Variants in ACTR3C observed in about 807,000 individuals in gnomAD.
ACTR3C encodes actin related protein 3C.
ACTR3C carries 18 observed loss-of-function variants against 26.3 expected under a neutral mutation model. The observed-to-expected ratio is 0.68, with a 90% CI of 0.47 to 1.01. The LOEUF (loss-of-function observed/expected upper bound fraction) is 1.01, where lower values mean the gene tolerates loss of function less well. ACTR3C is among the 50% of genes least tolerant of loss of function. The probability of loss-of-function intolerance (pLI) is 0.00; values close to 1 mark genes in which losing one functional copy is unlikely to be tolerated. For missense variants in ACTR3C, 184 were observed against 250.7 expected, an observed-to-expected ratio of 0.73 and a Z score of 1.80; for synonymous variants, 55 against 94.5, an observed-to-expected ratio of 0.58 and a Z score of 2.42.
At chr7:150,314,701 G>A (rs1796665590) in intron 1 of ACTR3C, among the ~76,000 whole-genome samples, 1 of 151,072 alleles carries the variant, frequency 6.6e-6, no homozygotes, top group Non-Finnish European at 1.5e-5. Flanking sequence ...CCAGTACTTG[G>A]GAAGGCTGAG....
chr7:149,922,491 G>A, the ACTR3C span, among the ~76,000 whole-genome samples: 1 of 149,102 alleles, frequency 6.7e-6, no homozygotes, highest in African/African-American at 2.4e-5. Context: ...TCAGCTCCTA[G>A]CTCTGCTGTA....
At chr7:150,183,458 T>C in the ACTR3C span, among the ~76,000 whole-genome samples, 1 of 149,970 alleles carries the variant, frequency 6.7e-6, no homozygotes, top group Non-Finnish European at 1.5e-5. Context: ...TTGGTGCTTA[T>C]GTGTGCAGTT....
the ACTR3C span, chr7:150,047,542 G>A: frequency 8.4e-6 from 3 of 357,224 alleles, no homozygotes; most frequent in Non-Finnish European, 1.2e-5. Context: ...GCCCCCGGCC[G>A]ACGCGTCTCG....
At chr7:150,041,758 G>GT in the ACTR3C span, among the ~76,000 whole-genome samples, 1 of 131,186 alleles carries the variant, frequency 7.6e-6, no homozygotes, top group African/African-American at 3.0e-5. Flanking sequence ...CCAGGGGGGG[G>GT]AAGAGGGACT....
At chr7:149,952,192 A>T in the ACTR3C span, among the ~76,000 whole-genome samples, 2 of 151,290 alleles carry the variant, frequency 1.3e-5, no homozygotes, top group South Asian at 2.1e-4. Context: ...GTCAGACTGG[A>T]GGTGAGGGCT....
At chr7:150,084,194 T>C in the ACTR3C span, among the ~76,000 whole-genome samples, 4 of 151,984 alleles carry the variant, frequency 2.6e-5, no homozygotes, top group Non-Finnish European at 5.9e-5. Flanking sequence ...TAATTCTTTA[T>C]TGAGATGTTT....
the ACTR3C span, among the ~76,000 whole-genome samples, chr7:149,902,166 T>C: frequency 6.6e-6 from 1 of 152,092 alleles, no homozygotes; most frequent in Non-Finnish European, 1.5e-5. Context: ...ACAATAGTAA[T>C]TTTTTTAATC....
chr7:150,087,924 T>C, the ACTR3C span, among the ~76,000 whole-genome samples: 82,662 of 151,076 alleles, frequency 0.55, 23,639 homozygotes, highest in East Asian at 0.81. Flanking sequence ...GACCAAGAGA[T>C]GATGGTTTCA....
the ACTR3C span, among the ~76,000 whole-genome samples, chr7:150,229,382 T>C: frequency 1.3e-5 from 2 of 152,202 alleles, no homozygotes. Flanking sequence ...CTGAAAGTTT[T>C]TATCATTAAT....
chr7:149,972,876 T>C, the ACTR3C span, among the ~76,000 whole-genome samples: 2 of 151,452 alleles, frequency 1.3e-5, no homozygotes, highest in South Asian at 2.1e-4. Context: ...CTATCCCAGG[T>C]AAGCCCCGTG....
the ACTR3C span, among the ~76,000 whole-genome samples, chr7:149,907,484 C>CTCT: frequency 1.7e-5 from 1 of 59,660 alleles, no homozygotes; most frequent in Admixed American, 1.9e-4. Flanking sequence ...TCTCTTCTCT[C>CTCT]TCTCTCTCTC....
chr7:150,177,878 T>C, the ACTR3C span, among the ~76,000 whole-genome samples: 2 of 150,864 alleles, frequency 1.3e-5, no homozygotes, highest in Non-Finnish European at 2.9e-5. Context: ...TTATCTGTCA[T>C]ATTGTAGATA....
chr7:149,948,632 G>A, the ACTR3C span, among the ~76,000 whole-genome samples: 1,959 of 150,426 alleles, frequency 0.013, 40 homozygotes, highest in African/African-American at 0.045. Context: ...CACCGTCCCC[G>A]GGCAGTTGCT....
At chr7:150,002,400 C>A in the ACTR3C span, 3 of 152,350 alleles carry the variant, frequency 2.0e-5, no homozygotes, top group African/African-American at 7.2e-5. Context: ...TCACACCACA[C>A]CAAATCACAC....
the ACTR3C span, among the ~76,000 whole-genome samples, chr7:150,200,648 C>A: frequency 6.6e-6 from 1 of 152,162 alleles, no homozygotes; most frequent in Non-Finnish European, 1.5e-5. Flanking sequence ...TAAACCAGCA[C>A]AACTGCCTTG....
chr7:150,159,571 T>G, the ACTR3C span, among the ~76,000 whole-genome samples: 1 of 152,128 alleles, frequency 6.6e-6, no homozygotes. Context: ...ATTTAAGGAA[T>G]AATTCATCAC....
chr7:150,307,804 C>G (rs921177822), intron 1 of ACTR3C, among the ~76,000 whole-genome samples: 4 of 152,184 alleles, frequency 2.6e-5, no homozygotes, highest in Admixed American at 1.3e-4. Flanking sequence ...ACCTCAGGTC[C>G]TCAGACCAGC....
the ACTR3C span, among the ~76,000 whole-genome samples, chr7:150,232,649 C>G: frequency 6.8e-6 from 1 of 146,362 alleles, no homozygotes; most frequent in South Asian, 2.1e-4. Context: ...CATGGTGAAA[C>G]CCCATCTCTA....
chr7:149,948,466 C>T, the ACTR3C span, among the ~76,000 whole-genome samples: 2 of 150,918 alleles, frequency 1.3e-5, no homozygotes, highest in African/African-American at 4.9e-5. Context: ...CGTCAGAAAG[C>T]AGCAGAGCCT....
Sources: gnomAD v4.1 joint callset for allele counts (sites outside exome capture counted in the v4.1 genomes callset) on GRCh38, gnomAD v4.1.1 for gene constraint, MANE v1.5 for transcripts, NCBI Gene and HGNC (gene_info 2026-07-23, HGNC 2026-07-21) for gene names.